Variants in IFI16 observed in about 807,000 individuals in gnomAD.
The protein encoded by IFI16 is gamma-interferon-inducible protein 16.
In IFI16, 49 loss-of-function variants were observed where a neutral mutation model predicts 68.4. That is an observed-to-expected ratio of 0.72 (90% CI 0.57 to 0.91). The LOEUF (loss-of-function observed/expected upper bound fraction) is 0.91. Ranked by LOEUF, IFI16 falls within the 40% of genes least tolerant of loss-of-function variation. The pLI, the probability that IFI16 is intolerant of heterozygous loss-of-function variation, is 0.00. For missense variants in IFI16, 878 were observed against 942.9 expected, an observed-to-expected ratio of 0.93 and a Z score of 0.90; for synonymous variants, 307 against 315.0, an observed-to-expected ratio of 0.97 and a Z score of 0.27.
chr1:159,007,625 C>T (rs1652308184), upstream of IFI16, among the ~76,000 whole-genome samples: 1 of 152,156 alleles, frequency 6.6e-6, no homozygotes, highest in South Asian at 2.1e-4. Context: ...TATTTGAAAA[C>T]GAGGCCTTTG....
At chr1:159,028,702 G>A (rs951637426) in intron 6 of IFI16, among the ~76,000 whole-genome samples, 1 of 151,936 alleles carries the variant, frequency 6.6e-6, no homozygotes, top group Non-Finnish European at 1.5e-5. Flanking sequence ...GAGCTCCAGT[G>A]TTAGGATTGT....
chr1:159,053,900 A>C (rs771416881), intron 11 of IFI16, among the ~76,000 whole-genome samples, 176 bp downstream of exon 11: 2 of 152,200 alleles, frequency 1.3e-5, no homozygotes. Context: ...ACTTGTAATC[A>C]TAATAAAAAA....
At position 159,015,619 on chromosome 1, in the gene IFI16, G is replaced by A. The variant is rs564147297; in HGVS notation, c.266-253G>A. The A allele has an allele frequency of 1.2e-5, 4 of 321,080 alleles. No homozygotes were observed. In the Admixed American group the frequency reaches 1.8e-4, roughly 15 times the overall value. 19.9% of individuals were successfully genotyped at this position (321,080 alleles called of 1,614,324 possible). A position where few individuals can be genotyped will look rare whatever the true frequency, so the allele number is the denominator to read the frequency against. On this transcript the variant is annotated intron_variant, in intron 2 of 11. Transcript: ENST00000295809. The stretch of plus-strand genomic sequence containing the variant: ...GCACATGGAGTTCAGAGAACAGGAA[G>A]CATGTGCTCAGTGCACAGGGGAGGA...
chr1:159,052,899 G>A (rs1269550918), intron 10 of IFI16: 1 of 152,156 alleles, frequency 6.6e-6, no homozygotes. Flanking sequence ...ATGTCTTCTA[G>A]GGTGGCTTAC....
At chr1:159,013,774 G>A (rs1652733805) in intron 1 of IFI16, among the ~76,000 whole-genome samples, 1 of 152,172 alleles carries the variant, frequency 6.6e-6, no homozygotes, top group Non-Finnish European at 1.5e-5. Context: ...AAGACACAAG[G>A]TGTCCGGCAT....
chr1:159,030,756 T>C (rs1005415391), intron 6 of IFI16, among the ~76,000 whole-genome samples: 2 of 151,876 alleles, frequency 1.3e-5, no homozygotes, highest in African/African-American at 4.8e-5. Flanking sequence ...AATTTTGTGT[T>C]GGTTGTCCTC....
chr1:159,015,068 A>G, intron 2 of IFI16, 123 bp downstream of exon 2: 2 of 937,444 alleles, frequency 2.1e-6, no homozygotes, highest in East Asian at 2.4e-5. Context: ...TCAACAGCTG[A>G]GACAATGTTG....
intron 6 of IFI16, among the ~76,000 whole-genome samples, chr1:159,022,351 T>C: frequency 6.6e-6 from 1 of 152,206 alleles, no homozygotes; most frequent in Non-Finnish European, 1.5e-5. Context: ...ATCAATTTAA[T>C]TTTTTCAGCA....
intron 8 of IFI16, among the ~76,000 whole-genome samples, 188 bp downstream of exon 8, chr1:159,045,652 C>G (rs569857712): frequency 1.3e-5 from 2 of 151,510 alleles, no homozygotes; most frequent in East Asian, 1.9e-4. Flanking sequence ...TTTATCATCT[C>G]TATTCCATAG....
intron 6 of IFI16, among the ~76,000 whole-genome samples, chr1:159,029,562 A>T (rs1167208262): frequency 6.6e-6 from 1 of 151,652 alleles, no homozygotes; most frequent in Non-Finnish European, 1.5e-5. Context: ...GTTTTCCTCA[A>T]TTAATCCCTC....
intron 8 of IFI16, among the ~76,000 whole-genome samples, chr1:159,046,441 A>G (rs1654990222): frequency 1.3e-5 from 2 of 151,360 alleles, no homozygotes; most frequent in South Asian, 2.1e-4. Context: ...TAACATTTTT[A>G]TATTTGATAT....
intron 6 of IFI16, among the ~76,000 whole-genome samples, chr1:159,031,605 T>G (rs892369255): frequency 6.6e-6 from 1 of 152,152 alleles, no homozygotes; most frequent in African/African-American, 2.4e-5. Context: ...ATCCAGACCT[T>G]CAGGTTCCCC....
Position 159,020,403 on chromosome 1 carries a change from A to G in IFI16, c.1035A>G (p.Val345=), listed in dbSNP as rs1653235934. 1 of 1,612,896 alleles carries G rather than the reference A, an allele frequency of 6.2e-7. No homozygotes were observed. Among genetic ancestry groups the G allele is most frequent in the African/African-American group, 1.3e-5 (1 of 74,904 alleles). The change falls in exon 6 of 12, where the codon GTA becomes GTG. Residue 345 remains valine (V), a synonymous_variant. Transcript: ENST00000295809. ...EIQDDRGKMD[V]VGTGQCHNIP... ...AGGATGATAGAGGAAAAATGGATGT[A>G]GTGGGGACAGGACAATGTCACAATA...
intron 6 of IFI16, among the ~76,000 whole-genome samples, chr1:159,021,895 A>T (rs1653341770): frequency 7.2e-6 from 1 of 139,366 alleles, no homozygotes; most frequent in African/African-American, 2.7e-5. Flanking sequence ...CCATTTACAT[A>T]TCTTCTTTTG....
In IFI16 at chr1:159,047,464, G is replaced by A. The variant is rs556978692; in HGVS notation, c.1498-1968G>A. On this transcript the variant is annotated intron_variant, in intron 8 of 11. Transcript: ENST00000295809. ...CTCTGTTACTGTAATGACATACATA[G>A]ACATCATAAGACAACTACTCTGTCC... 8.2e-5 allele frequency among the ~76,000 whole-genome samples: 12 copies of A among 146,868 alleles called. No individual in the cohort carries two copies. The South Asian group carries it at 2.6e-3, about 32-fold the overall frequency.
At position 159,014,914 on chromosome 1, in the gene IFI16, G is replaced by A; in HGVS notation, c.234G>A (p.Leu78=). The A allele has an allele frequency of 6.2e-7, 1 of 1,607,458 alleles. No homozygotes were observed. The highest frequency in any genetic ancestry group is 8.5e-7 in the Non-Finnish European group (1 of 1,177,990). Residue 78 remains leucine, a synonymous_variant, in exon 2 of 12, where the codon CTG becomes CTA. Transcript: ENST00000295809. ...IFEDIPTLED[L]AETLKKEKLK... ...AAGATATACCAACGCTTGAAGACCTGGCTGAAACTCTTAAAAAAGAAAAGT... is the reference window on the plus strand; with the variant it reads ...AAGATATACCAACGCTTGAAGACCTAGCTGAAACTCTTAAAAAAGAAAAGT...
chr1:159,020,610 T>C, intron 6 of IFI16, 81 bp downstream of exon 6: 1 of 1,014,314 alleles, frequency 9.9e-7, no homozygotes, highest in East Asian at 2.5e-5. Flanking sequence ...AGTTTGTAGG[T>C]TTTTTTTACA....
intron 8 of IFI16, 100 bp downstream of exon 8, chr1:159,045,564 A>G: frequency 7.6e-7 from 1 of 1,317,160 alleles, no homozygotes; most frequent in Non-Finnish European, 1.1e-6. Context: ...ACTACATACA[A>G]TGCTTTAATT....
Position 159,051,752 on chromosome 1 carries a change from T to A in IFI16, c.1739T>A (p.Val580Glu). Residue 580 changes from valine to glutamate, a missense_variant, in exon 10 of 12, where the codon GTG becomes GAG. By Grantham distance (121) the Val-to-Glu change is moderately radical. This residue lies in a region of IFI16 where 311 missense variants were observed against 305.1 expected (regional missense o/e 1.02). Coordinates refer to ENST00000295809, the MANE Select transcript of IFI16 (RefSeq NM_001376587.1). ...AGTGCCCAGAGTGACCTCAAAGAAG[T>A]GATGGTGCTGAACGCAACAGAATCA... is the stretch of plus-strand genomic sequence containing the variant. ...EDSAQSDLKE[V>E]MVLNATESFV... 1 of 1,613,982 alleles carries A rather than the reference T, an allele frequency of 6.2e-7. No individual in the cohort carries two copies. The highest frequency in any genetic ancestry group is 8.5e-7 in the Non-Finnish European group (1 of 1,179,896).
Sources: allele counts gnomAD v4.1 joint callset (sites outside exome capture counted in the v4.1 genomes callset), GRCh38; gene constraint gnomAD v4.1.1; regional missense constraint gnomAD v4.1.1; transcripts MANE v1.5; gene names NCBI Gene and HGNC (gene_info 2026-07-23, HGNC 2026-07-21).